Variants in DPP6 observed in about 807,000 individuals in gnomAD.
DPP6 encodes dipeptidyl peptidase like 6, also known as A-type potassium channel modulatory protein DPP6.
DPP6 carries 69 observed loss-of-function variants against 122.6 expected under a neutral mutation model. That is an observed-to-expected ratio of 0.56 (90% CI 0.46 to 0.69). The LOEUF is 0.69. Ranked by LOEUF, DPP6 falls within the 30% of genes least tolerant of loss-of-function variation. The pLI, the probability that DPP6 is intolerant of heterozygous loss-of-function variation, is 0.00. For synonymous variants in DPP6, 418 were observed against 433.1 expected (o/e 0.97, Z 0.43); for missense variants, 928 against 1,116.9 (o/e 0.83, Z 2.41).
chr7:153,986,123 G>A (rs1019695904), intron 1 of DPP6, among the ~76,000 whole-genome samples: 68 of 152,136 alleles, frequency 4.5e-4, no homozygotes, highest in African/African-American at 1.6e-3. Flanking sequence ...TCTGATGTCC[G>A]ACCTACATCC....
intron 1 of DPP6, among the ~76,000 whole-genome samples, chr7:154,236,458 G>A (rs1194918017): frequency 6.6e-6 from 1 of 152,134 alleles, no homozygotes; most frequent in East Asian, 1.9e-4. Context: ...AACAAAAATT[G>A]GGATTTATAC....
chr7:154,636,314 C>G (rs2130919002), intron 5 of DPP6, among the ~76,000 whole-genome samples: 1 of 152,298 alleles, frequency 6.6e-6, no homozygotes, highest in South Asian at 2.1e-4. Context: ...CACAGTGCAG[C>G]ATGGGGTCCT....
intron 5 of DPP6, among the ~76,000 whole-genome samples, chr7:154,591,578 C>T (rs892934727): frequency 6.6e-6 from 1 of 152,174 alleles, no homozygotes; most frequent in African/African-American, 2.4e-5. Context: ...TGGAAGGAGA[C>T]AGGAACAGGG....
intron 10 of DPP6, among the ~76,000 whole-genome samples, chr7:154,792,195 G>A (rs1002903621): frequency 1.3e-5 from 2 of 152,260 alleles, no homozygotes; most frequent in Non-Finnish European, 2.9e-5. Context: ...AGGGTACCCT[G>A]TGGCTTCGCC....
chr7:154,141,144 G>A (rs1417444713), intron 1 of DPP6, among the ~76,000 whole-genome samples: 1 of 152,182 alleles, frequency 6.6e-6, no homozygotes, highest in Non-Finnish European at 1.5e-5. Flanking sequence ...GCATGGGTGT[G>A]TGGGCTACTG....
intron 1 of DPP6, among the ~76,000 whole-genome samples, chr7:153,919,017 T>TCAGA (rs994973901): frequency 5.8e-5 from 8 of 138,080 alleles, no homozygotes; most frequent in Non-Finnish European, 7.8e-5. Flanking sequence ...AGTAATAAAA[T>TCAGA]CAGAACTATC....
rs146253102 is a variant in DPP6 at position 154,728,225 on chromosome 7, C to T, written c.883+338C>T. Among the ~76,000 whole-genome samples, 169 of 152,276 alleles carry T rather than the reference C, an allele frequency of 1.1e-3. No individual in the cohort carries two copies. In the East Asian group the frequency reaches 0.029, roughly 26 times the overall value. ...TATGTCAGGAGGTGACTTCTGGGAA[C>T]GCTCAGGGACTGCAAATGCATGTGT... On this transcript the variant is annotated intron_variant, in intron 8 of 25. Transcript: ENST00000377770.
rs539668237 is a variant in DPP6, at chr7:154,631,716, G to T, written c.628-6105G>T. ...CAGTTCCAAGGGAATATGGCCAGAG[G>T]TTTTTTGTTTGTTTTGTTTGTTTGT... On this transcript the variant is annotated intron_variant, in intron 5 of 25. Coordinates refer to ENST00000377770, the MANE Select transcript of DPP6 (RefSeq NM_130797.4). Among the ~76,000 whole-genome samples the T allele has an allele frequency of 2.9e-4, 44 of 152,058 alleles. 1 individual carries two copies. In the South Asian group the frequency reaches 9.1e-3, roughly 32 times the overall value.
rs3837065 is a variant in DPP6, at chr7:154,877,405, G to GCA, written c.2078+1331_2078+1332dup. On this transcript the variant is annotated intron_variant, in intron 20 of 25. Coordinates refer to ENST00000377770, the MANE Select transcript of DPP6 (RefSeq NM_130797.4). This position sits in a 1 kb window ranked among gnomAD's most constrained non-coding sequence, Gnocchi z 5.2. ...TGACTACAACAACACATGTGTGCGT[G>GCA]CACACACACACACACACACACACAC... Among the ~76,000 whole-genome samples the GCA allele has an allele frequency of 0.082, 12,208 of 149,768 alleles. 624 individuals are homozygous for GCA. The highest frequency in any genetic ancestry group is 0.19 in the South Asian group (888 of 4,686).
intron 5 of DPP6, among the ~76,000 whole-genome samples, chr7:154,619,820 C>T (rs1048689793): frequency 2.0e-5 from 3 of 152,222 alleles, no homozygotes; most frequent in Admixed American, 6.5e-5. Flanking sequence ...AAATCAGATT[C>T]TCTGATGGTG....
intron 1 of DPP6, among the ~76,000 whole-genome samples, chr7:154,267,503 T>C (rs1425885146): frequency 1.3e-5 from 2 of 150,678 alleles, no homozygotes; most frequent in African/African-American, 4.9e-5. Context: ...CACACACACA[T>C]ATATGCACAC....
chr7:154,092,843 C>G (rs1804960055), intron 1 of DPP6: 1 of 152,046 alleles, frequency 6.6e-6, no homozygotes, highest in Non-Finnish European at 1.5e-5. Context: ...TTACCCGAGT[C>G]AAGTATTATT....
intron 1 of DPP6, among the ~76,000 whole-genome samples, chr7:154,074,380 A>G (rs1803398396): frequency 6.6e-6 from 1 of 152,118 alleles, no homozygotes; most frequent in Non-Finnish European, 1.5e-5. Flanking sequence ...AATCATGAAG[A>G]GGAACATTTC....
At chr7:154,501,915 A>G (rs11976782) in intron 3 of DPP6, among the ~76,000 whole-genome samples, 79,647 of 152,046 alleles carry the variant, frequency 0.52, 21,142 homozygotes, top group Middle Eastern at 0.61. Context: ...AAGCAGCCTG[A>G]AGGGAGGCTG....
intron 1 of DPP6, among the ~76,000 whole-genome samples, chr7:154,308,516 A>G (rs1376632169): frequency 6.6e-6 from 1 of 152,174 alleles, no homozygotes; most frequent in Non-Finnish European, 1.5e-5. Context: ...ATCTGCATGA[A>G]CTGAGTTGAT....
Position 154,053,201 on chromosome 7 carries a change from A to C in DPP6, c.243+138A>C, listed in dbSNP as rs1585236869. On this transcript the variant is annotated intron_variant, in intron 1 of 25. Transcript: ENST00000377770. ...CGCCCACGACTCTCCGGGCGCCCCCAGACAGGCTCCGTGGCGCCAGATCGC... is the reference window on the plus strand; with the variant it reads ...CGCCCACGACTCTCCGGGCGCCCCCCGACAGGCTCCGTGGCGCCAGATCGC... 7 of 799,884 alleles carry C rather than the reference A, an allele frequency of 8.8e-6. No homozygotes were observed. In the South Asian group the frequency reaches 4.0e-4, roughly 46 times the overall value. The allele number at this position is 799,884 out of a possible 1,614,324, so 49.5% of individuals were successfully genotyped here. A position where few individuals can be genotyped will look rare whatever the true frequency, so the allele number is the denominator to read the frequency against.
At chr7:154,060,777 CT>C (rs1801715539) in intron 1 of DPP6, among the ~76,000 whole-genome samples, 1 of 116,314 alleles carries the variant, frequency 8.6e-6, no homozygotes, top group Non-Finnish European at 1.8e-5. Flanking sequence ...CCCCCTGGCT[CT>C]TAGGACGCCC....
intron 17 of DPP6, among the ~76,000 whole-genome samples, chr7:154,858,656 C>G (rs1803045086): frequency 6.6e-6 from 1 of 152,218 alleles, no homozygotes; most frequent in South Asian, 2.1e-4. Flanking sequence ...AGATGCTCCT[C>G]AGGCCCTGGT....
At chr7:154,132,591 A>G (rs1333391319) in intron 1 of DPP6, among the ~76,000 whole-genome samples, 3 of 152,176 alleles carry the variant, frequency 2.0e-5, no homozygotes, top group Admixed American at 1.3e-4. Context: ...ATTTCGGTTC[A>G]GTAGTCTCGA....
Sources: gnomAD v4.1 joint callset for allele counts (sites outside exome capture counted in the v4.1 genomes callset) on GRCh38, gnomAD v4.1.1 for gene constraint, Gnocchi (gnomAD v3.1) non-coding constraint, MANE v1.5 for transcripts, NCBI Gene and HGNC (gene_info 2026-07-23, HGNC 2026-07-21) for gene names.